The following CNTN5 variants were observed in gnomAD, a reference collection of about 807,000 sequenced individuals.
CNTN5 encodes the protein contactin 5.
Under a neutral mutation model 129.1 loss-of-function variants are expected in CNTN5, and 77 were observed. The ratio of observed to expected loss-of-function variants is 0.60; its 90% CI spans 0.50 to 0.72. CNTN5 has a LOEUF of 0.72. CNTN5 is among the 30% of genes least tolerant of loss of function. The probability of loss-of-function intolerance (pLI) is 0.00; values close to 1 mark genes in which losing one functional copy is unlikely to be tolerated. For missense variants in CNTN5, 1,478 were observed against 1,328.8 expected (o/e 1.11, Z -1.75); for synonymous variants, 509 against 465.6 (o/e 1.09, Z -1.20).
At chr11:100,083,277 A>G (rs1466682944) in intron 13 of CNTN5, among the ~76,000 whole-genome samples, 2 of 149,932 alleles carry the variant, frequency 1.3e-5, no homozygotes, top group African/African-American at 4.9e-5. Context: ...ATATTGTACC[A>G]CTGTACTCCA....
chr11:99,304,898 A>C (rs1226477037), intron 1 of CNTN5, among the ~76,000 whole-genome samples: 1 of 152,186 alleles, frequency 6.6e-6, no homozygotes, highest in African/African-American at 2.4e-5. Flanking sequence ...TGACTAAATA[A>C]ATAAGTAGAT....
chr11:99,922,194 A>G (rs1377626542), intron 7 of CNTN5, among the ~76,000 whole-genome samples: 2 of 152,198 alleles, frequency 1.3e-5, no homozygotes, highest in Admixed American at 1.3e-4. Context: ...GCAAGAGAGC[A>G]TGTGCAAGGG....
chr11:100,040,751 CTG>C (rs1385383097), intron 9 of CNTN5, among the ~76,000 whole-genome samples: 6 of 152,220 alleles, frequency 3.9e-5, no homozygotes, highest in African/African-American at 1.2e-4. Context: ...GAGCGAGACT[CTG>C]TGGGCGTAGG....
chr11:99,235,912 GA>G lies in CNTN5; in HGVS notation c.-209-89432del, dbSNP rs1861235516. Among the ~76,000 whole-genome samples, 7 of 152,308 alleles carry G rather than the reference GA, an allele frequency of 4.6e-5. No individual in the cohort carries two copies. In the South Asian group the frequency reaches 1.4e-3, roughly 32 times the overall value. ...TTTCATGAGGAAGGCAAGGAACCTG[GA>G]AGCTGGCTTCTGCAGTGAACCAAAA... On this transcript the variant is annotated intron_variant, in intron 1 of 24. Transcript: ENST00000524871.
chr11:100,188,167 G>C (rs1948361149), intron 13 of CNTN5, among the ~76,000 whole-genome samples: 1 of 152,158 alleles, frequency 6.6e-6, no homozygotes, highest in Non-Finnish European at 1.5e-5. Flanking sequence ...AGGCCAGCCA[G>C]GTGCAGTGGC....
intron 3 of CNTN5, among the ~76,000 whole-genome samples, chr11:99,572,996 T>C (rs11220502): frequency 0.074 from 11,218 of 152,290 alleles, 552 homozygotes; most frequent in South Asian, 0.12. Flanking sequence ...AGAAGGGGAC[T>C]ATTTTTAAAT....
At chr11:99,863,743 A>G in intron 6 of CNTN5, among the ~76,000 whole-genome samples, 1 of 152,236 alleles carries the variant, frequency 6.6e-6, no homozygotes, top group Non-Finnish European at 1.5e-5. Context: ...AACTAAAATA[A>G]GTTGAATACC....
intron 13 of CNTN5, among the ~76,000 whole-genome samples, chr11:100,143,648 A>G (rs1159994582): frequency 6.6e-6 from 1 of 152,132 alleles, no homozygotes; most frequent in Non-Finnish European, 1.5e-5. Flanking sequence ...AGTTTAAGCT[A>G]TACTCCTCTA....
chr11:99,504,529 C>CAAAAAAA (rs754621021), intron 2 of CNTN5, among the ~76,000 whole-genome samples: 1 of 90,308 alleles, frequency 1.1e-5, no homozygotes, highest in African/African-American at 4.1e-5. Flanking sequence ...GACTCCGTCT[C>CAAAAAAA]AAAAAAAAAA....
At chr11:99,576,781 G>T (rs1196225647) in intron 3 of CNTN5, among the ~76,000 whole-genome samples, 2 of 152,110 alleles carry the variant, frequency 1.3e-5, no homozygotes, top group East Asian at 3.9e-4. Context: ...ATCACTTGTT[G>T]GAAGGAGCAG....
chr11:99,566,425 G>A (rs935599740), intron 3 of CNTN5, among the ~76,000 whole-genome samples: 19 of 152,132 alleles, frequency 1.2e-4, no homozygotes, highest in Non-Finnish European at 1.8e-4. Flanking sequence ...ACGTAAGAAC[G>A]AACTAACACA....
At chr11:99,654,671 T>C (rs1466555562) in intron 3 of CNTN5, among the ~76,000 whole-genome samples, 1 of 152,088 alleles carries the variant, frequency 6.6e-6, no homozygotes, top group Non-Finnish European at 1.5e-5. Flanking sequence ...CTGCCTAAAA[T>C]GATGTCCCTT....
rs535690910 is a variant in CNTN5 at position 99,912,791 on chromosome 11, C to A, written c.578-3263C>A. 3.3e-5 allele frequency among the ~76,000 whole-genome samples: 5 copies of A among 151,990 alleles called. 1 individual carries two copies. The South Asian group carries it at 6.2e-4, about 19-fold the overall frequency. On this transcript the variant is annotated intron_variant, in intron 6 of 24. Transcript: ENST00000524871. The stretch of plus-strand genomic sequence containing the variant: ...GTCAGAGCAAAGACAAAGTCTAGGG[C>A]CCTGTGACTTTTGATCACAAAATTT...
intron 9 of CNTN5, among the ~76,000 whole-genome samples, chr11:100,045,940 G>T (rs530144959): frequency 3.3e-5 from 5 of 152,020 alleles, no homozygotes; most frequent in African/African-American, 1.2e-4. Flanking sequence ...TTTTTTTCCT[G>T]TTATTAACAT....
At chr11:99,719,349 T>C (rs892091907) in intron 3 of CNTN5, among the ~76,000 whole-genome samples, 3 of 151,736 alleles carry the variant, frequency 2.0e-5, no homozygotes, top group Admixed American at 1.3e-4. Context: ...AGTAACATAA[T>C]AGAGGATCTT....
intron 3 of CNTN5, among the ~76,000 whole-genome samples, chr11:99,670,723 T>C (rs888732465): frequency 3.3e-5 from 5 of 152,142 alleles, no homozygotes; most frequent in African/African-American, 1.2e-4. Context: ...GGGGACCAAA[T>C]GGCCCTGCAA....
At chr11:99,687,964 A>G (rs574423989) in intron 3 of CNTN5, among the ~76,000 whole-genome samples, 36 of 152,302 alleles carry the variant, frequency 2.4e-4, no homozygotes, top group African/African-American at 8.4e-4. Flanking sequence ...TCTGAACTAC[A>G]GCTTTGAATA....
At chr11:100,274,775 A>G (rs772969859) in intron 18 of CNTN5, among the ~76,000 whole-genome samples, 2 of 152,238 alleles carry the variant, frequency 1.3e-5, no homozygotes, top group Non-Finnish European at 2.9e-5. Context: ...GAACACTTAT[A>G]CACTGTTGGT....
intron 4 of CNTN5, among the ~76,000 whole-genome samples, chr11:99,832,910 C>G (rs1398098093): frequency 6.6e-6 from 1 of 152,090 alleles, no homozygotes; most frequent in Non-Finnish European, 1.5e-5. Flanking sequence ...CAGTTGCAGC[C>G]TGGCATTAGA....
Sources: allele counts gnomAD v4.1 joint callset (sites outside exome capture counted in the v4.1 genomes callset), GRCh38; gene constraint gnomAD v4.1.1; transcripts MANE v1.5; gene names NCBI Gene and HGNC (gene_info 2026-07-23, HGNC 2026-07-21).